CSMD1: variants seen among roughly 807,000 people sequenced by gnomAD.
CSMD1 encodes CUB and Sushi multiple domains 1, also known as CUB and sushi domain-containing protein 1.
In CSMD1, 213 loss-of-function variants were observed where a neutral mutation model predicts 417.5. The ratio of observed to expected loss-of-function variants is 0.51; its 90% CI spans 0.46 to 0.57. The LOEUF is 0.57. Among genes scored for constraint, CSMD1 ranks in the 20% least tolerant of loss-of-function variants. The pLI is 0.00. For synonymous variants in CSMD1, 2,862 were observed against 1,736.8 expected, an observed-to-expected ratio of 1.65 and a Z score of -16.11; for missense variants, 6,923 against 4,529.7, an observed-to-expected ratio of 1.53 and a Z score of -15.17.
chr8:4,496,577 C>G (rs1801989225), intron 2 of CSMD1, among the ~76,000 whole-genome samples: 1 of 152,180 alleles, frequency 6.6e-6, no homozygotes, highest in South Asian at 2.1e-4. Flanking sequence ...CCTGCCTTCT[C>G]TCTGCTCCTT....
intron 3 of CSMD1, among the ~76,000 whole-genome samples, chr8:4,110,378 A>G (rs1308812924): frequency 2.6e-5 from 4 of 152,100 alleles, no homozygotes; most frequent in Non-Finnish European, 4.4e-5. Context: ...AATCTAAGGG[A>G]AAAGTCAGCC....
At chr8:4,255,431 C>G (rs17069759) in intron 3 of CSMD1, among the ~76,000 whole-genome samples, 6,962 of 152,266 alleles carry the variant, frequency 0.046, 251 homozygotes, top group African/African-American at 0.098. Flanking sequence ...TTGCTGTTTT[C>G]TCACTTACTT....
At chr8:3,913,672 A>G (rs1460160957) in intron 5 of CSMD1, among the ~76,000 whole-genome samples, 2 of 152,184 alleles carry the variant, frequency 1.3e-5, no homozygotes, top group Non-Finnish European at 2.9e-5. Context: ...GGCCATCGAA[A>G]TATCAAGGAT....
chr8:4,138,637 T>A (rs1258663921), intron 3 of CSMD1, among the ~76,000 whole-genome samples: 1 of 149,166 alleles, frequency 6.7e-6, no homozygotes, highest in African/African-American at 2.4e-5. Flanking sequence ...AAAAAACATC[T>A]CTTAAGGTTG....
chr8:3,938,464 G>T (rs1328735839), intron 5 of CSMD1, among the ~76,000 whole-genome samples: 3 of 152,108 alleles, frequency 2.0e-5, no homozygotes, highest in African/African-American at 7.2e-5. Flanking sequence ...TCTGTGGTGG[G>T]GATAAGTAAA....
In CSMD1 at chr8:2,954,146, G is replaced by C; in HGVS notation, c.10039+78C>G. 6 of 707,662 alleles carry C rather than the reference G, an allele frequency of 8.5e-6. No individual in the cohort carries two copies. In the East Asian group the frequency reaches 2.0e-4, roughly 23 times the overall value. 43.8% of individuals were successfully genotyped at this position (707,662 alleles called of 1,614,324 possible). A position where few individuals can be genotyped will look rare whatever the true frequency, so the allele number is the denominator to read the frequency against. Reference sequence around the variant, plus strand: ...TAACGGATTCAGAAATTTAAATGTTGAAAATAGTTTCACTGTGCAGAGTAG... The same window carrying C: ...TAACGGATTCAGAAATTTAAATGTTCAAAATAGTTTCACTGTGCAGAGTAG... On this transcript the variant is annotated intron_variant, in intron 65 of 69. Transcript: ENST00000635120.
intron 4 of CSMD1, among the ~76,000 whole-genome samples, chr8:4,020,013 G>C (rs980649594): frequency 6.6e-6 from 1 of 151,900 alleles, no homozygotes; most frequent in African/African-American, 2.4e-5. Context: ...TTCCGCTCTG[G>C]GCACTTAGTT....
intron 2 of CSMD1, among the ~76,000 whole-genome samples, chr8:4,556,593 A>G (rs1199923787): frequency 6.6e-6 from 1 of 152,218 alleles, no homozygotes; most frequent in Non-Finnish European, 1.5e-5. Context: ...GAATAAACGA[A>G]TAGTATATGG....
chr8:3,964,614 T>C (rs1026623759), intron 5 of CSMD1, among the ~76,000 whole-genome samples: 4 of 152,220 alleles, frequency 2.6e-5, no homozygotes, highest in Non-Finnish European at 5.9e-5. Context: ...TGTAATGTTT[T>C]AGCTAGTTGC....
intron 4 of CSMD1, among the ~76,000 whole-genome samples, chr8:4,031,019 G>A (rs2130569984): frequency 6.6e-6 from 1 of 152,216 alleles, no homozygotes; most frequent in Admixed American, 6.5e-5. Flanking sequence ...ACCTCAGCCA[G>A]GATTTCATTG....
intron 2 of CSMD1, among the ~76,000 whole-genome samples, chr8:4,610,041 C>A (rs1428653089): frequency 2.0e-5 from 3 of 149,948 alleles, no homozygotes; most frequent in South Asian, 2.1e-4. Flanking sequence ...AAAAAAAAAA[C>A]AATTAGATAT....
intron 7 of CSMD1, among the ~76,000 whole-genome samples, chr8:3,694,380 A>G (rs1800432497): frequency 6.6e-6 from 1 of 152,192 alleles, no homozygotes; most frequent in Non-Finnish European, 1.5e-5. Context: ...ACTGACACCC[A>G]GAAGACTGAT....
chr8:4,496,144 C>G (rs1055897092), intron 2 of CSMD1, among the ~76,000 whole-genome samples: 1 of 152,150 alleles, frequency 6.6e-6, no homozygotes, highest in Non-Finnish European at 1.5e-5. Context: ...TTTGTCGACT[C>G]GCAATTCCTT....
intron 3 of CSMD1, among the ~76,000 whole-genome samples, chr8:4,043,239 T>C (rs1797983651): frequency 6.6e-6 from 1 of 152,106 alleles, no homozygotes; most frequent in Admixed American, 6.6e-5. Flanking sequence ...AGACAAATGT[T>C]ACAGCTATTA....
intron 50 of CSMD1, among the ~76,000 whole-genome samples, chr8:3,044,754 G>A (rs10092843): frequency 0.13 from 19,581 of 152,096 alleles, 1,458 homozygotes; most frequent in African/African-American, 0.21. Flanking sequence ...AGGGTGAAAC[G>A]AACTAATTGT....
At chr8:3,562,577 T>G (rs1259608959) in intron 10 of CSMD1, among the ~76,000 whole-genome samples, 2 of 152,320 alleles carry the variant, frequency 1.3e-5, no homozygotes, top group East Asian at 3.9e-4. Context: ...TCCCTTAATA[T>G]GCTTATTTTT....
intron 51 of CSMD1, among the ~76,000 whole-genome samples, chr8:3,027,131 A>G (rs1809990327): frequency 6.6e-6 from 1 of 152,156 alleles, no homozygotes; most frequent in Admixed American, 6.5e-5. Context: ...AAATGTTTAA[A>G]ATATATATAG....
rs775892709 is a variant in CSMD1, at chr8:3,185,874, A to C, written c.5620+1995T>G. Among the ~76,000 whole-genome samples, 4 of 152,218 alleles carry C rather than the reference A, an allele frequency of 2.6e-5. 1 individual carries two copies. Among genetic ancestry groups the C allele is most frequent in the Non-Finnish European group, 5.9e-5 (4 of 68,038 alleles). ...AAGAACACTTTACTTAAAAATGAGCAACACAATTCAATATCTGAGTGTAGA... is the reference window on the plus strand; with the variant it reads ...AAGAACACTTTACTTAAAAATGAGCCACACAATTCAATATCTGAGTGTAGA... On this transcript the variant is annotated intron_variant, in intron 36 of 69. Transcript: ENST00000635120.
At chr8:4,100,298 T>C (rs1463858008) in intron 3 of CSMD1, among the ~76,000 whole-genome samples, 6 of 152,198 alleles carry the variant, frequency 3.9e-5, no homozygotes, top group Non-Finnish European at 8.8e-5. Context: ...CTTATTAGTA[T>C]CTTTTACCAA....
Sources: gnomAD v4.1 joint callset for allele counts (sites outside exome capture counted in the v4.1 genomes callset) on GRCh38, gnomAD v4.1.1 for gene constraint, MANE v1.5 for transcripts, NCBI Gene and HGNC (gene_info 2026-07-23, HGNC 2026-07-21) for gene names.